NRXN3: variants seen among roughly 807,000 people sequenced by gnomAD.
The protein encoded by NRXN3 is neurexin 3.
Under a neutral mutation model 137.6 loss-of-function variants are expected in NRXN3, and 32 were observed. The observed-to-expected ratio is 0.23, with a 90% confidence interval of 0.18 to 0.31. The LOEUF is 0.31. Among genes scored for constraint, NRXN3 ranks in the 10% least tolerant of loss-of-function variants. The probability of loss-of-function intolerance (pLI) is 1.00; values close to 1 mark genes in which losing one functional copy is unlikely to be tolerated. For missense variants in NRXN3, 1,574 were observed against 2,062.5 expected (o/e 0.76, Z 4.59); for synonymous variants, 798 against 784.5 (o/e 1.02, Z -0.29).
chr14:78,509,031 G>A (rs1340793729), intron 4 of NRXN3, among the ~76,000 whole-genome samples: 2 of 152,132 alleles, frequency 1.3e-5, no homozygotes, highest in East Asian at 3.9e-4. Flanking sequence ...CAGGCATGGT[G>A]GCTCATGCTT....
chr14:78,632,073 C>T (rs2097527738), intron 4 of NRXN3, among the ~76,000 whole-genome samples: 1 of 148,314 alleles, frequency 6.7e-6, no homozygotes, highest in Admixed American at 6.8e-5. Flanking sequence ...GAGATCGCGC[C>T]ACTGCACTCC....
intron 4 of NRXN3, among the ~76,000 whole-genome samples, chr14:78,451,610 T>C (rs1189712790): frequency 6.6e-6 from 1 of 152,202 alleles, no homozygotes; most frequent in African/African-American, 2.4e-5. Context: ...ATAGCATACA[T>C]ACATGATTCC....
chr14:78,787,682 C>G (rs2098793036), intron 8 of NRXN3, among the ~76,000 whole-genome samples: 1 of 152,034 alleles, frequency 6.6e-6, no homozygotes, highest in Non-Finnish European at 1.5e-5. Context: ...AAGCTTTGAG[C>G]AAAACAAGCA....
intron 15 of NRXN3, chr14:79,279,372 A>T: frequency 2.0e-6 from 2 of 985,978 alleles, no homozygotes; most frequent in South Asian, 9.4e-5. Flanking sequence ...TTGGCTCCCC[A>T]ACTCCTCGCT....
intron 8 of NRXN3, among the ~76,000 whole-genome samples, chr14:78,793,709 G>A (rs557514186): frequency 1.4e-4 from 22 of 152,246 alleles, no homozygotes; most frequent in Middle Eastern, 3.4e-3. Flanking sequence ...ATGCTTACAT[G>A]ACTGACTTAG....
rs1212406412 is a variant in NRXN3, at chr14:79,862,986, TG to T, written c.*1024del. 10 of 152,672 alleles carry T rather than the reference TG, an allele frequency of 6.5e-5. No homozygotes were observed. The highest frequency in any genetic ancestry group is 1.3e-4 in the Non-Finnish European group (9 of 68,020). The allele number at this position is 152,672 out of a possible 1,614,324, so 9.5% of individuals were successfully genotyped here. On this transcript the variant is annotated 3_prime_UTR_variant, in exon 21 of 21. Transcript: ENST00000335750. The stretch of plus-strand genomic sequence containing the variant: ...TAGGGAAGAGGAAGGGGAGGTGGGC[TG>T]GATCTGTGACTGATTGAAATGCATG...
chr14:79,266,331 T>C (rs1417054599), intron 15 of NRXN3, among the ~76,000 whole-genome samples: 1 of 152,076 alleles, frequency 6.6e-6, no homozygotes, highest in African/African-American at 2.4e-5. Flanking sequence ...TCAAAAGCCT[T>C]CTGATTTTCT....
intron 8 of NRXN3, among the ~76,000 whole-genome samples, chr14:78,759,999 T>A (rs2098686496): frequency 6.6e-6 from 1 of 151,390 alleles, no homozygotes; most frequent in Non-Finnish European, 1.5e-5. Context: ...TCACATAGTC[T>A]GTTCAAGGCA....
intron 2 of NRXN3, among the ~76,000 whole-genome samples, chr14:78,266,125 T>C (rs1160773691): frequency 6.6e-6 from 1 of 152,234 alleles, no homozygotes; most frequent in Non-Finnish European, 1.5e-5. Context: ...GAGAAACACC[T>C]CCTTTTTTTG....
At chr14:79,768,081 G>A (rs193147869) in intron 19 of NRXN3, among the ~76,000 whole-genome samples, 23 of 152,296 alleles carry the variant, frequency 1.5e-4, no homozygotes, top group African/African-American at 4.1e-4. Flanking sequence ...AAAAAATGGC[G>A]CACCAGGAGA....
intron 3 of NRXN3, among the ~76,000 whole-genome samples, chr14:78,292,368 T>G (rs2075886413): frequency 6.6e-6 from 1 of 152,260 alleles, no homozygotes; most frequent in African/African-American, 2.4e-5. Flanking sequence ...ATTTCAACTT[T>G]GTATGCCTTA....
chr14:78,534,482 C>T (rs2096511152), intron 4 of NRXN3, among the ~76,000 whole-genome samples: 2 of 152,114 alleles, frequency 1.3e-5, no homozygotes, highest in African/African-American at 4.8e-5. Flanking sequence ...TGAATGGCTG[C>T]CCAATCTATA....
chr14:79,388,175 G>C (rs1385151177), intron 15 of NRXN3, among the ~76,000 whole-genome samples: 2 of 151,642 alleles, frequency 1.3e-5, no homozygotes, highest in Non-Finnish European at 2.9e-5. Flanking sequence ...TCCTCCTCTT[G>C]TCATGAAATG....
intron 15 of NRXN3, among the ~76,000 whole-genome samples, chr14:79,064,030 T>G (rs1272754118): frequency 6.6e-6 from 1 of 152,208 alleles, no homozygotes; most frequent in Non-Finnish European, 1.5e-5. Flanking sequence ...ATCCTTCATA[T>G]AAAACTAAAG....
chr14:79,197,230 G>T (rs1597150003), intron 15 of NRXN3, among the ~76,000 whole-genome samples: 2 of 152,108 alleles, frequency 1.3e-5, no homozygotes, highest in East Asian at 1.9e-4. Context: ...TAAAAACTTG[G>T]GTAGGTGCAT....
At chr14:78,256,008 T>A (rs560108392) in intron 2 of NRXN3, among the ~76,000 whole-genome samples, 5 of 152,316 alleles carry the variant, frequency 3.3e-5, no homozygotes, top group African/African-American at 1.2e-4. Flanking sequence ...GTGGGACAGT[T>A]TTTGTTGAAT....
At chr14:78,741,623 C>G (rs557860398) in intron 8 of NRXN3, among the ~76,000 whole-genome samples, 1 of 152,124 alleles carries the variant, frequency 6.6e-6, no homozygotes, top group Non-Finnish European at 1.5e-5. Context: ...GAAAGCATCA[C>G]CACATATCTA....
intron 8 of NRXN3, among the ~76,000 whole-genome samples, chr14:78,721,130 C>A (rs2098457799): frequency 1.3e-5 from 2 of 152,182 alleles, no homozygotes; most frequent in Non-Finnish European, 2.9e-5. Context: ...AGATATGACG[C>A]ACATTTTATA....
At chr14:79,046,179 CTTCCCCTCCTCT>C (rs2099632854) in intron 15 of NRXN3, among the ~76,000 whole-genome samples, 2 of 152,240 alleles carry the variant, frequency 1.3e-5, no homozygotes, top group South Asian at 4.2e-4. Flanking sequence ...TGAAAGCTTC[CTTCCCCTCCTCT>C]TTCCCCTCCC....
Sources: allele counts gnomAD v4.1 joint callset (sites outside exome capture counted in the v4.1 genomes callset), GRCh38; gene constraint gnomAD v4.1.1; transcripts MANE v1.5; gene names NCBI Gene and HGNC (gene_info 2026-07-23, HGNC 2026-07-21).